The following PIK3C2G variants were observed in gnomAD, a reference collection of about 807,000 sequenced individuals.
The protein encoded by PIK3C2G is phosphatidylinositol 3-kinase C2 domain-containing subunit gamma.
A neutral mutation model predicts 181.1 loss-of-function variants in PIK3C2G; 168 were observed. The observed-to-expected ratio is 0.93, with a 90% CI of 0.82 to 1.05. PIK3C2G has a LOEUF of 1.05. Among genes scored for constraint, PIK3C2G ranks in the 50% least tolerant of loss-of-function variants. The pLI, the probability that PIK3C2G is intolerant of heterozygous loss-of-function variation, is 0.00. For missense variants in PIK3C2G, 1,869 were observed against 1,732.8 expected (o/e 1.08, Z -1.40); for synonymous variants, 573 against 592.2 (o/e 0.97, Z 0.47).
chr12:18,631,224 G>A (rs965415818), intron 31 of PIK3C2G, among the ~76,000 whole-genome samples: 1 of 152,132 alleles, frequency 6.6e-6, no homozygotes, highest in African/African-American at 2.4e-5. Context: ...TTGGGGGGAA[G>A]AGAAGTTTCT....
At chr12:18,374,105 A>T (rs1942266374) in intron 13 of PIK3C2G, among the ~76,000 whole-genome samples, 1 of 152,168 alleles carries the variant, frequency 6.6e-6, no homozygotes. Flanking sequence ...CTCAACCCTC[A>T]TTAAATAATA....
At chr12:18,669,195 G>A in the PIK3C2G span, among the ~76,000 whole-genome samples, 8 of 152,232 alleles carry the variant, frequency 5.3e-5, no homozygotes, top group South Asian at 2.1e-4. Context: ...AAGAAGTTGA[G>A]TAATTTTTTT....
intron 6 of PIK3C2G, among the ~76,000 whole-genome samples, chr12:18,315,913 G>GTC (rs975805635): frequency 3.2e-4 from 48 of 151,876 alleles, no homozygotes; most frequent in African/African-American, 1.1e-3. Flanking sequence ...GTGTGTGTGT[G>GTC]TGTGTGTGTA....
chr12:18,507,254 T>C (rs1592440181), intron 24 of PIK3C2G, among the ~76,000 whole-genome samples: 1 of 152,082 alleles, frequency 6.6e-6, no homozygotes, highest in Non-Finnish European at 1.5e-5. Context: ...GGTCTCGAAC[T>C]CCTGGCCTCA....
intron 18 of PIK3C2G, among the ~76,000 whole-genome samples, chr12:18,449,870 A>C (rs2135880125): frequency 6.6e-6 from 1 of 152,320 alleles, no homozygotes; most frequent in Non-Finnish European, 1.5e-5. Context: ...ACTGTCTTCC[A>C]TAATGGTTGA....
chr12:18,322,918 G>T (rs1462866956), intron 7 of PIK3C2G, among the ~76,000 whole-genome samples: 1 of 152,126 alleles, frequency 6.6e-6, no homozygotes, highest in East Asian at 1.9e-4. Context: ...TCTACCCAGG[G>T]GTGGGGGGAA....
Position 18,430,127 on chromosome 12 carries a change from G to C in PIK3C2G, c.2504+6088G>C, listed in dbSNP as rs531588566. 2.6e-5 allele frequency among the ~76,000 whole-genome samples: 4 copies of C among 152,272 alleles called. No individual in the cohort carries two copies. The South Asian group carries it at 8.3e-4, about 32-fold the overall frequency. ...ACAGTGAAATTCTGCCTCATGTCCT[G>C]TTCTAGAGAACCTGACCTACAATAA... is the stretch of plus-strand genomic sequence containing the variant. On this transcript the variant is annotated intron_variant, in intron 18 of 32. Transcript: ENST00000538779.
At chr12:18,470,244 G>T (rs1184473596) in intron 18 of PIK3C2G, among the ~76,000 whole-genome samples, 1 of 151,998 alleles carries the variant, frequency 6.6e-6, no homozygotes. Context: ...ACCAGCATTT[G>T]GGTTGAGTTA....
At chr12:18,701,745 T>C in the PIK3C2G span, 2 of 1,610,234 alleles carry the variant, frequency 1.2e-6, no homozygotes, top group Non-Finnish European at 1.7e-6. Flanking sequence ...TCCTATTTTC[T>C]TATTTTTAAC....
In PIK3C2G at chr12:18,496,129, G is replaced by A. The variant is rs761182298; in HGVS notation, c.2861G>A (p.Gly954Asp). 2 of 1,534,858 alleles carry A rather than the reference G, an allele frequency of 1.3e-6. No individual in the cohort carries two copies. The highest frequency in any genetic ancestry group is 1.8e-6 in the Non-Finnish European group (2 of 1,135,668). ...ACTTTCATCAATGCTAATCCGATGGGCAAAAACATCAGCATTATTTTTAAG... is the reference window on the plus strand; with the variant it reads ...ACTTTCATCAATGCTAATCCGATGGACAAAAACATCAGCATTATTTTTAAG... ...KITFINANPM[G>D]KNISIIFKAG... Residue 954 changes from glycine to aspartate, a missense_variant, in exon 21 of 33, where the codon GGC becomes GAC. By Grantham distance (94) the Gly-to-Asp change is moderately conservative. Transcript: ENST00000538779.
intron 1 of PIK3C2G, among the ~76,000 whole-genome samples, chr12:18,278,246 C>A (rs1418915999): frequency 6.6e-6 from 1 of 152,176 alleles, no homozygotes; most frequent in African/African-American, 2.4e-5. Context: ...GTATTCCTTT[C>A]TGGAGGCTCC....
At chr12:18,664,161 T>C in the PIK3C2G span, among the ~76,000 whole-genome samples, 1 of 152,212 alleles carries the variant, frequency 6.6e-6, no homozygotes, top group Non-Finnish European at 1.5e-5. Flanking sequence ...GGAACGCTTA[T>C]GTACTGTTGG....
At chr12:18,685,315 A>T in the PIK3C2G span, among the ~76,000 whole-genome samples, 1 of 152,058 alleles carries the variant, frequency 6.6e-6, no homozygotes, top group African/African-American at 2.4e-5. Flanking sequence ...GTATGACCCA[A>T]ATCATCCAAA....
chr12:18,279,090 G>T (rs995980721), intron 1 of PIK3C2G, among the ~76,000 whole-genome samples: 1 of 151,888 alleles, frequency 6.6e-6, no homozygotes, highest in Non-Finnish European at 1.5e-5. Flanking sequence ...TCATTTGAGC[G>T]AATACTCTGT....
intron 1 of PIK3C2G, among the ~76,000 whole-genome samples, 163 bp downstream of exon 1, chr12:18,261,740 G>A (rs1180208077): frequency 6.6e-6 from 1 of 152,094 alleles, no homozygotes; most frequent in African/African-American, 2.4e-5. Flanking sequence ...TTGAAACAGA[G>A]ATATCCAGCT....
At chr12:18,628,599 A>T (rs1335579384) in intron 31 of PIK3C2G, among the ~76,000 whole-genome samples, 1 of 152,238 alleles carries the variant, frequency 6.6e-6, no homozygotes, top group African/African-American at 2.4e-5. Flanking sequence ...ACTAATATGC[A>T]TCATAGATTT....
At chr12:18,468,773 TGTAA>T (rs1938162550) in intron 18 of PIK3C2G, among the ~76,000 whole-genome samples, 1 of 152,122 alleles carries the variant, frequency 6.6e-6, no homozygotes, top group Non-Finnish European at 1.5e-5. Context: ...AAATAATGAC[TGTAA>T]GTGCCTCTGT....
intron 16 of PIK3C2G, among the ~76,000 whole-genome samples, chr12:18,411,854 C>T (rs113568884): frequency 0.01 from 1,597 of 152,168 alleles, 11 homozygotes; most frequent in Non-Finnish European, 0.017. Context: ...TCGCATTTGG[C>T]TTTCACCCAT....
intron 16 of PIK3C2G, among the ~76,000 whole-genome samples, chr12:18,409,688 G>C (rs978954930): frequency 6.6e-6 from 1 of 152,154 alleles, no homozygotes; most frequent in African/African-American, 2.4e-5. Context: ...AGTGAAAATG[G>C]CAGAATTGAA....
Sources: gnomAD v4.1 joint callset for allele counts (sites outside exome capture counted in the v4.1 genomes callset) on GRCh38, gnomAD v4.1.1 for gene constraint, MANE v1.5 for transcripts, NCBI Gene and HGNC (gene_info 2026-07-23, HGNC 2026-07-21) for gene names.